KDM7A: variants seen among roughly 807,000 people sequenced by gnomAD.
KDM7A encodes the protein lysine demethylase 7A, also known as lysine-specific demethylase 7A.
Under a neutral mutation model 114.8 loss-of-function variants are expected in KDM7A, and 28 were observed. The observed-to-expected ratio is 0.24, with a 90% CI of 0.18 to 0.33. The LOEUF is 0.33. KDM7A is among the 10% of genes least tolerant of loss of function. KDM7A has a pLI of 1.00. For synonymous variants in KDM7A, 423 were observed against 397.8 expected, an observed-to-expected ratio of 1.06 and a Z score of -0.75; for missense variants, 942 against 1,142.5, an observed-to-expected ratio of 0.82 and a Z score of 2.53.
chr7:140,097,695 A>G, intron 14 of KDM7A, 53 bp from the exon 15 acceptor site: 1 of 999,056 alleles, frequency 1.0e-6, no homozygotes, highest in Non-Finnish European at 1.6e-6. Context: ...ACTACGATGA[A>G]CAAGGTGACA....
At chr7:140,103,424 A>G (rs1158510875) in intron 11 of KDM7A, among the ~76,000 whole-genome samples, 1 of 151,014 alleles carries the variant, frequency 6.6e-6, no homozygotes, top group Non-Finnish European at 1.5e-5. Context: ...TTAACTTGTC[A>G]TTTACATTAG....
chr7:140,129,556 C>T lies in KDM7A; in HGVS notation c.496G>A (p.Asp166Asn). The T allele has an allele frequency of 6.2e-7, 1 of 1,613,294 alleles. No homozygotes were observed. The stretch of plus-strand genomic sequence containing the variant: ...GAAGGGAGCCTGAGTCCTAGATCAT[C>T]TAATTTTGGGACCATAATAGGGACA... The part of the protein sequence containing the change: ...FDVPIMVPKL[D>N]DLGLRLPSPT... Residue 166 changes from aspartate (D) to asparagine (N), a missense_variant, in exon 4 of 20, where the codon GAT (aspartate) becomes AAT (asparagine). Asp to Asn is a conservative substitution (Grantham distance 23). Transcript: ENST00000397560.
intron 1 of KDM7A, among the ~76,000 whole-genome samples, chr7:140,173,278 C>T (rs149230084): frequency 6.6e-6 from 1 of 152,070 alleles, no homozygotes; most frequent in Non-Finnish European, 1.5e-5. Flanking sequence ...ATACACTGTA[C>T]CCTGCCTGGC....
chr7:140,145,356 G>C (rs1003790814), intron 1 of KDM7A, among the ~76,000 whole-genome samples: 1 of 152,138 alleles, frequency 6.6e-6, no homozygotes, highest in African/African-American at 2.4e-5. Context: ...ATGATCTGAG[G>C]GGTCTTAATG....
intron 18 of KDM7A, among the ~76,000 whole-genome samples, chr7:140,093,527 T>C (rs1262704049): frequency 6.6e-6 from 1 of 151,954 alleles, no homozygotes; most frequent in Non-Finnish European, 1.5e-5. Flanking sequence ...TTCCAAGGTT[T>C]GCAAAAAAAG....
intron 10 of KDM7A, among the ~76,000 whole-genome samples, chr7:140,112,471 CGTG>C (rs1433936794): frequency 1.3e-5 from 2 of 151,952 alleles, no homozygotes; most frequent in Non-Finnish European, 2.9e-5. Flanking sequence ...ATTAACTAGG[CGTG>C]GTGGTGCGTG....
chr7:140,105,454 T>C (rs969888679), intron 11 of KDM7A, among the ~76,000 whole-genome samples: 4 of 152,234 alleles, frequency 2.6e-5, no homozygotes, highest in Non-Finnish European at 5.9e-5. Flanking sequence ...TATTTTGAGA[T>C]GCACTCCATC....
chr7:140,141,759 T>C (rs1299983468), intron 1 of KDM7A, among the ~76,000 whole-genome samples: 1 of 151,684 alleles, frequency 6.6e-6, no homozygotes, highest in Non-Finnish European at 1.5e-5. Context: ...CCAGGCATGT[T>C]GGCGCATATC....
chr7:140,108,992 C>T (rs916568698), intron 11 of KDM7A, among the ~76,000 whole-genome samples: 2 of 152,162 alleles, frequency 1.3e-5, no homozygotes, highest in Non-Finnish European at 1.5e-5. Flanking sequence ...CCCCTAACCT[C>T]GCTGCCACCT....
chr7:140,095,277 G>C (rs1343061880), intron 17 of KDM7A, among the ~76,000 whole-genome samples: 1 of 152,182 alleles, frequency 6.6e-6, no homozygotes, highest in Non-Finnish European at 1.5e-5. Context: ...TATTTCCATA[G>C]AAGTGTTCTC....
At chr7:140,100,687 T>TAC (rs1491357436) in intron 12 of KDM7A, among the ~76,000 whole-genome samples, 5 of 40,924 alleles carry the variant, frequency 1.2e-4, no homozygotes, top group South Asian at 7.7e-4. Context: ...TATACATATA[T>TAC]ACATATATAT....
At chr7:140,103,627 C>T (rs539206739) in intron 11 of KDM7A, among the ~76,000 whole-genome samples, 1 of 152,296 alleles carries the variant, frequency 6.6e-6, no homozygotes, top group South Asian at 2.1e-4. Flanking sequence ...CATGTCCCTA[C>T]AAAGGACATG....
chr7:140,106,462 G>T (rs1818339171), intron 11 of KDM7A, among the ~76,000 whole-genome samples: 1 of 152,142 alleles, frequency 6.6e-6, no homozygotes, highest in Non-Finnish European at 1.5e-5. Flanking sequence ...CTTTAAATGT[G>T]TCCCAGAGAT....
At chr7:140,174,598 A>T (rs1794680807) in intron 1 of KDM7A, among the ~76,000 whole-genome samples, 1 of 152,052 alleles carries the variant, frequency 6.6e-6, no homozygotes, top group African/African-American at 2.4e-5. Context: ...TAATGAGACA[A>T]GTTTCTTTTT....
chr7:140,159,350 G>GA (rs1439385399), intron 1 of KDM7A, among the ~76,000 whole-genome samples: 9 of 151,582 alleles, frequency 5.9e-5, no homozygotes, highest in African/African-American at 2.2e-4. Context: ...CCATATTGGA[G>GA]AAAAAAATAA....
intron 18 of KDM7A, 151 bp downstream of exon 18, chr7:140,093,905 G>A (rs1221399690): frequency 9.4e-6 from 6 of 638,224 alleles, no homozygotes; most frequent in Non-Finnish European, 1.7e-5. Flanking sequence ...TCTCAAAATG[G>A]ACAGTTGTTC....
chr7:140,139,464 C>A (rs984410189), intron 1 of KDM7A, among the ~76,000 whole-genome samples: 3 of 152,088 alleles, frequency 2.0e-5, no homozygotes, highest in African/African-American at 7.2e-5. Flanking sequence ...AAATCCTCAA[C>A]CATTATGTAA....
intron 1 of KDM7A, among the ~76,000 whole-genome samples, chr7:140,154,184 A>T (rs1794432467): frequency 6.6e-6 from 1 of 151,878 alleles, no homozygotes; most frequent in Non-Finnish European, 1.5e-5. Flanking sequence ...CTTAAAAAAC[A>T]TTTTTTTTAA....
rs141681215 is a variant in KDM7A, at chr7:140,132,032, C to A, written c.398+1507G>T. Reference sequence around the variant, plus strand: ...CCATTTTAAGAATATTATGTATATCCATACATCCATATACATAAATGTTTT... The same window carrying A: ...CCATTTTAAGAATATTATGTATATCAATACATCCATATACATAAATGTTTT... On this transcript the variant is annotated intron_variant, in intron 3 of 19. Transcript: ENST00000397560. Among the ~76,000 whole-genome samples, 659 of 152,218 alleles carry A rather than the reference C, an allele frequency of 4.3e-3. 7 individuals carry two copies. The highest frequency in any genetic ancestry group is 0.015 in the African/African-American group (611 of 41,528).
Sources: allele counts gnomAD v4.1 joint callset (sites outside exome capture counted in the v4.1 genomes callset), GRCh38; gene constraint gnomAD v4.1.1; transcripts MANE v1.5; gene names NCBI Gene and HGNC (gene_info 2026-07-23, HGNC 2026-07-21).